The following ATXN7L1 variants were observed in gnomAD, a reference collection of about 807,000 sequenced individuals.
The protein encoded by ATXN7L1 is ataxin-7-like protein 1.
A neutral mutation model predicts 70.8 loss-of-function variants in ATXN7L1; 15 were observed. The ratio of observed to expected loss-of-function variants is 0.21; its 90% confidence interval spans 0.14 to 0.33. The LOEUF is 0.33. Among genes scored for constraint, ATXN7L1 ranks in the 10% least tolerant of loss-of-function variants. The probability of loss-of-function intolerance (pLI) is 1.00; values close to 1 mark genes in which losing one functional copy is unlikely to be tolerated. For synonymous variants in ATXN7L1, 440 were observed against 445.1 expected (o/e 0.99, Z 0.14); for missense variants, 975 against 1,097.1 (o/e 0.89, Z 1.57).
intron 2 of ATXN7L1, among the ~76,000 whole-genome samples, chr7:105,863,063 G>C (rs1372152655): frequency 6.6e-6 from 1 of 152,188 alleles, no homozygotes. Context: ...TCATCCTAGA[G>C]AGCACACCCT....
At chr7:105,745,628 A>G (rs1798501135) in intron 3 of ATXN7L1, among the ~76,000 whole-genome samples, 1 of 152,168 alleles carries the variant, frequency 6.6e-6, no homozygotes, top group Admixed American at 6.5e-5. Flanking sequence ...CCTACTTCAC[A>G]CTGCATGGCC....
At chr7:105,734,802 TAGAGAG>T (rs35212819) in intron 3 of ATXN7L1, among the ~76,000 whole-genome samples, 1 of 149,424 alleles carries the variant, frequency 6.7e-6, no homozygotes, top group South Asian at 2.1e-4. Flanking sequence ...TCAAAGTGAA[TAGAGAG>T]AGAGAGAGAG....
chr7:105,829,219 C>T (rs1187007369), intron 2 of ATXN7L1, among the ~76,000 whole-genome samples: 1 of 152,012 alleles, frequency 6.6e-6, no homozygotes, highest in African/African-American at 2.4e-5. Context: ...GTCAGGAGTT[C>T]GAGACCAGCC....
intron 3 of ATXN7L1, among the ~76,000 whole-genome samples, chr7:105,677,232 C>A (rs1804821240): frequency 6.6e-6 from 1 of 152,210 alleles, no homozygotes; most frequent in African/African-American, 2.4e-5. Context: ...AAATGCCGAC[C>A]AAACATGCTG....
chr7:105,802,176 C>T (rs1806916348), intron 2 of ATXN7L1, among the ~76,000 whole-genome samples: 1 of 152,192 alleles, frequency 6.6e-6, no homozygotes, highest in Non-Finnish European at 1.5e-5. Context: ...TGGAACGAGT[C>T]AAGGCATAGA....
chr7:105,714,554 C>A lies in ATXN7L1; in HGVS notation c.356-49266G>T, dbSNP rs545588736. 2.0e-5 allele frequency among the ~76,000 whole-genome samples: 3 copies of A among 152,280 alleles called. No homozygotes were observed. In the South Asian group the frequency reaches 6.2e-4, roughly 32 times the overall value. On this transcript the variant is annotated intron_variant, in intron 3 of 11. Transcript: ENST00000419735. ...GAGTCAGAAGTTTTGAGATCCTGTC[C>A]AGGTCAGTTCTTGAATGCCTGGGTC...
chr7:105,812,326 CA>C (rs1808548732), intron 2 of ATXN7L1, among the ~76,000 whole-genome samples: 1 of 152,192 alleles, frequency 6.6e-6, no homozygotes, highest in Non-Finnish European at 1.5e-5. Flanking sequence ...ACTTTAAAAG[CA>C]AGGTTTCTTA....
At chr7:105,770,659 C>G (rs962146465) in intron 3 of ATXN7L1, among the ~76,000 whole-genome samples, 1 of 152,144 alleles carries the variant, frequency 6.6e-6, no homozygotes. Flanking sequence ...TTTAGCCAGT[C>G]TGATCTGAGC....
chr7:105,848,730 A>T (rs557649918), intron 2 of ATXN7L1, among the ~76,000 whole-genome samples: 1 of 152,292 alleles, frequency 6.6e-6, no homozygotes, highest in East Asian at 1.9e-4. Flanking sequence ...TCACTTTTGC[A>T]TGAAGAAAAA....
intron 3 of ATXN7L1, among the ~76,000 whole-genome samples, chr7:105,784,435 A>AACACACACACACAC (rs10667714): frequency 2.7e-5 from 4 of 149,624 alleles, no homozygotes; most frequent in African/African-American, 7.4e-5. Context: ...TGACTGGCTA[A>AACACACACACACAC]ACACACACAC....
intron 3 of ATXN7L1, among the ~76,000 whole-genome samples, chr7:105,754,384 T>C (rs1396395741): frequency 2.6e-5 from 4 of 151,932 alleles, no homozygotes; most frequent in Non-Finnish European, 5.9e-5. Flanking sequence ...TGTTCTTTTC[T>C]TTTCTTTTCT....
intron 3 of ATXN7L1, among the ~76,000 whole-genome samples, chr7:105,731,342 G>A (rs1203006046): frequency 6.6e-6 from 1 of 151,752 alleles, no homozygotes; most frequent in East Asian, 1.9e-4. Flanking sequence ...TGGTATTATC[G>A]TCTCACTTTT....
At chr7:105,815,334 G>C (rs968293846) in intron 2 of ATXN7L1, among the ~76,000 whole-genome samples, 8 of 152,162 alleles carry the variant, frequency 5.3e-5, no homozygotes, top group African/African-American at 1.7e-4. Context: ...ATTATTAAGA[G>C]TTGTGTGATT....
chr7:105,793,944 C>A (rs1343396149), intron 2 of ATXN7L1, among the ~76,000 whole-genome samples: 2 of 152,002 alleles, frequency 1.3e-5, no homozygotes, highest in African/African-American at 4.8e-5. Flanking sequence ...GTCATCCATC[C>A]ATCTATCCAT....
intron 2 of ATXN7L1, among the ~76,000 whole-genome samples, chr7:105,822,056 T>C (rs1437632061): frequency 1.3e-5 from 2 of 152,218 alleles, no homozygotes; most frequent in East Asian, 3.8e-4. Context: ...CATAGAGCCC[T>C]TCCCTATACT....
At chr7:105,708,837 A>C (rs950499358) in intron 3 of ATXN7L1, among the ~76,000 whole-genome samples, 4 of 152,218 alleles carry the variant, frequency 2.6e-5, no homozygotes, top group Non-Finnish European at 5.9e-5. Context: ...TGGTGTACAT[A>C]GTCTCACAAA....
At chr7:105,751,442 G>A (rs1220260578) in intron 3 of ATXN7L1, among the ~76,000 whole-genome samples, 1 of 151,994 alleles carries the variant, frequency 6.6e-6, no homozygotes, top group Non-Finnish European at 1.5e-5. Flanking sequence ...GACCAGCCTG[G>A]GCAACATGGG....
intron 2 of ATXN7L1, among the ~76,000 whole-genome samples, chr7:105,814,240 G>A (rs1379810777): frequency 6.6e-6 from 1 of 152,142 alleles, no homozygotes; most frequent in Non-Finnish European, 1.5e-5. Flanking sequence ...TGTGCTGATG[G>A]CCCCCTGAAA....
rs846938 is a variant in ATXN7L1, at chr7:105,688,312, C to T, written c.356-23024G>A. ...ATCCCAGCACTTTGGGAGGCTGAGGCGGGTGGATGGCTTGACCTCAGGAGT... is the reference window on the plus strand; with the variant it reads ...ATCCCAGCACTTTGGGAGGCTGAGGTGGGTGGATGGCTTGACCTCAGGAGT... On this transcript the variant is annotated intron_variant, in intron 3 of 11. Coordinates refer to ENST00000419735, the MANE Select transcript of ATXN7L1 (RefSeq NM_020725.2). 7.5e-3 allele frequency among the ~76,000 whole-genome samples: 1,146 copies of T among 152,246 alleles called. 13 individuals are homozygous for T. The highest frequency in any genetic ancestry group is 0.026 in the African/African-American group (1,070 of 41,548).
Sources: allele counts gnomAD v4.1 joint callset (sites outside exome capture counted in the v4.1 genomes callset), GRCh38; gene constraint gnomAD v4.1.1; transcripts MANE v1.5; gene names NCBI Gene and HGNC (gene_info 2026-07-23, HGNC 2026-07-21).